PPP1R16A: variants seen among roughly 807,000 people sequenced by gnomAD.
The protein encoded by PPP1R16A is protein phosphatase 1 regulatory subunit 16A.
In PPP1R16A, 39 loss-of-function variants were observed where a neutral mutation model predicts 46.6. That is an observed-to-expected ratio of 0.84 (90% CI 0.65 to 1.09). The LOEUF is 1.09. Among genes scored for constraint, PPP1R16A ranks in the 50% least tolerant of loss-of-function variants. PPP1R16A has a pLI of 0.00. For synonymous variants in PPP1R16A, 413 were observed against 321.5 expected (o/e 1.28, Z -3.04); for missense variants, 798 against 735.6 (o/e 1.08, Z -0.98).
At position 144,478,077 on chromosome 8, in the gene PPP1R16A, C is replaced by G. The variant is rs980185060; in HGVS notation, c.-964C>G. 5.1e-6 allele frequency: 2 copies of G among 395,692 alleles called. No individual in the cohort carries two copies. The highest frequency in any genetic ancestry group is 2.1e-5 in the African/African-American group (1 of 48,472). 24.5% of individuals were successfully genotyped at this position (395,692 alleles called of 1,614,324 possible). On this transcript the variant is annotated 5_prime_UTR_variant, in exon 1 of 12. Transcript: ENST00000435887. ...CCTCAGGGAGCGCGGGGCCCACTGA[C>G]CCGCGGAAGCCAGCGGACCCACTTG...
chr8:144,501,515 C>T lies in PPP1R16A; in HGVS notation c.1204-5C>T, dbSNP rs184018376. 1.3e-3 allele frequency: 2,037 copies of T among 1,538,938 alleles called. 4 individuals carry two copies. Among genetic ancestry groups the T allele is most frequent in the Non-Finnish European group, 1.6e-3 (1,798 of 1,141,248 alleles). On this transcript the variant is annotated splice_polypyrimidine_tract_variant and splice_region_variant and intron_variant, in intron 11 of 11. Transcript: ENST00000435887. Reference sequence around the variant, plus strand: ...TGATGGCTCTGGGACCTTCACTGCCCGCAGGAGGACAACCCCGAAGTGGTC... The same window carrying T: ...TGATGGCTCTGGGACCTTCACTGCCTGCAGGAGGACAACCCCGAAGTGGTC...
At chr8:144,488,164 G>A (rs1317537889) in intron 1 of PPP1R16A, among the ~76,000 whole-genome samples, 1 of 151,968 alleles carries the variant, frequency 6.6e-6, no homozygotes, top group Non-Finnish European at 1.5e-5. Context: ...AAAAGGCAAG[G>A]GAAGCTCTTT....
At position 144,500,997 on chromosome 8, in the gene PPP1R16A, G is replaced by A. The variant is rs558195542; in HGVS notation, c.1037+26G>A. 7.8e-4 allele frequency: 1,122 copies of A among 1,435,070 alleles called. 4 individuals are homozygous for A. In the African/African-American group the frequency reaches 0.015, roughly 19 times the overall value. The allele number at this position is 1,435,070 out of a possible 1,614,324, so 88.9% of individuals were successfully genotyped here. ...GTGAGCGCCGCCCCCAGCAGGCCCC[G>A]CCCCGGGCTTGGCCCCGCGGACGTC... On this transcript the variant is annotated intron_variant, in intron 10 of 11. Transcript: ENST00000435887.
At position 144,501,895 on chromosome 8, in the gene PPP1R16A, C is replaced by T. The variant is rs1277718147; in HGVS notation, c.1579C>T (p.Leu527Phe). 2.0e-6 allele frequency: 3 copies of T among 1,526,594 alleles called. No individual in the cohort carries two copies. The highest frequency in any genetic ancestry group is 2.0e-5 in the Admixed American group (1 of 50,436). The allele number at this position is 1,526,594 out of a possible 1,614,324, so 94.6% of individuals were successfully genotyped here. A position where few individuals can be genotyped will look rare whatever the true frequency, so the allele number is the denominator to read the frequency against. Residue 527 changes from leucine (L) to phenylalanine (F), a missense_variant, in exon 12 of 12, where the codon CTC becomes TTC. Leu to Phe is a conservative substitution (Grantham distance 22). Coordinates refer to ENST00000435887, the MANE Select transcript of PPP1R16A (RefSeq NM_001329443.2). ...APVERRPCCL[L>F]M ...CGTGGAGAGGAGGCCGTGCTGCCTG[C>T]TCATGTGAGGCTGTTGCTCAGCATG...
intron 1 of PPP1R16A, among the ~76,000 whole-genome samples, chr8:144,483,063 T>C (rs1564758366): frequency 6.6e-6 from 1 of 152,242 alleles, no homozygotes; most frequent in African/African-American, 2.4e-5. Flanking sequence ...ATTACAGGTG[T>C]GAGCCACCGC....
intron 1 of PPP1R16A, among the ~76,000 whole-genome samples, chr8:144,486,870 C>T (rs1044947022): frequency 1.4e-4 from 21 of 152,122 alleles, no homozygotes; most frequent in Non-Finnish European, 2.5e-4. Flanking sequence ...CCAGTTTTTC[C>T]GTTTTCCGTT....
intron 1 of PPP1R16A, 130 bp downstream of exon 1, chr8:144,478,257 G>A (rs957510015): frequency 2.6e-6 from 1 of 386,072 alleles, no homozygotes; most frequent in East Asian, 3.7e-5. Context: ...CCGGGCCGGG[G>A]AAGGATGAGG....
intron 1 of PPP1R16A, among the ~76,000 whole-genome samples, chr8:144,480,860 GTGATGGGTTTTGTTTAATGGGTTTTGTT>G (rs1377307969): frequency 3.3e-5 from 5 of 151,586 alleles, no homozygotes; most frequent in African/African-American, 1.2e-4. Flanking sequence ...TGGGTTTTGT[GTGATGGGTTTTGTTTAATGGGTTTTGTT>G]TGATGGGTTT....
intron 1 of PPP1R16A, among the ~76,000 whole-genome samples, chr8:144,489,466 G>C (rs1409653997): frequency 1.3e-5 from 2 of 151,888 alleles, no homozygotes; most frequent in Admixed American, 1.3e-4. Context: ...CCTCCCTCCT[G>C]ACCCCATCAC....
At chr8:144,482,892 C>G (rs556300518) in intron 1 of PPP1R16A, among the ~76,000 whole-genome samples, 1 of 151,822 alleles carries the variant, frequency 6.6e-6, no homozygotes, top group African/African-American at 2.4e-5. Context: ...ATGGTCCACC[C>G]GCCTCAGCCT....
chr8:144,500,441 G>C, intron 7 of PPP1R16A, 46 bp from the exon 8 acceptor site: 2 of 1,537,610 alleles, frequency 1.3e-6, no homozygotes, highest in Non-Finnish European at 1.7e-6. Context: ...CTCGCTACTT[G>C]GAGGTGGGGG....
intron 1 of PPP1R16A, among the ~76,000 whole-genome samples, chr8:144,488,856 G>A (rs1292449829): frequency 6.6e-6 from 1 of 151,838 alleles, no homozygotes; most frequent in East Asian, 2.0e-4. Flanking sequence ...TGTCGCTGGG[G>A]ACAGAGCCCC....
chr8:144,493,156 G>A lies in PPP1R16A; in HGVS notation c.-735+2944G>A, dbSNP rs1309052317. On this transcript the variant is annotated intron_variant, in intron 2 of 11. Coordinates refer to ENST00000435887, the MANE Select transcript of PPP1R16A (RefSeq NM_001329443.2). The surrounding 1 kb of genome is among the most constrained non-coding windows in gnomAD (Gnocchi z 4.3). ...GGCCCAGCGGTATGTAGGCAGTGAG[G>A]GGACGGTGGGTGGGGGTCGGGGACA... Among the ~76,000 whole-genome samples, 1 of 152,144 alleles carries A rather than the reference G, an allele frequency of 6.6e-6. No homozygotes were observed.
At position 144,501,307 on chromosome 8, in the gene PPP1R16A, T is replaced by A; in HGVS notation, c.1203+13T>A. ...GCCGCCCCCGGAGGTGAGCGCCCCG[T>A]CCCTGCTCCGCCCAGCGCAGGGGTG... On this transcript the variant is annotated intron_variant, in intron 11 of 11. Coordinates refer to ENST00000435887, the MANE Select transcript of PPP1R16A (RefSeq NM_001329443.2). 3 of 1,564,486 alleles carry A rather than the reference T, an allele frequency of 1.9e-6. No homozygotes were observed. The South Asian group carries it at 3.4e-5, about 18-fold the overall frequency.
At chr8:144,501,007 T>TGGCCCCGCGGACGTC (rs1826414410) in intron 10 of PPP1R16A, 36 bp downstream of exon 10, 2 of 1,452,730 alleles carry the variant, frequency 1.4e-6, no homozygotes, top group Admixed American at 2.6e-5. Flanking sequence ...GCCCCGGGCT[T>TGGCCCCGCGGACGTC]GGCCCCGCGG....
intron 2 of PPP1R16A, among the ~76,000 whole-genome samples, chr8:144,492,810 CCT>C (rs1004231120): frequency 6.6e-6 from 1 of 152,182 alleles, no homozygotes; most frequent in African/African-American, 2.4e-5. Flanking sequence ...CTGCCCCTTT[CCT>C]CTCTTTTCTT....
chr8:144,493,518 C>T lies in PPP1R16A; in HGVS notation c.-734-2943C>T, dbSNP rs945403934. On this transcript the variant is annotated intron_variant, in intron 2 of 11. Transcript: ENST00000435887. This position sits in a 1 kb window ranked among gnomAD's most constrained non-coding sequence, Gnocchi z 4.3. Reference sequence around the variant, plus strand: ...CTGGGAGGAGTAGACAAAGCTTCCACTAGAAGTTCTGCTAGGGCAGCCAAG... The same window carrying T: ...CTGGGAGGAGTAGACAAAGCTTCCATTAGAAGTTCTGCTAGGGCAGCCAAG... 1.2e-4 allele frequency among the ~76,000 whole-genome samples: 19 copies of T among 152,186 alleles called. No homozygotes were observed. Among genetic ancestry groups the T allele is most frequent in the Non-Finnish European group, 2.6e-4 (18 of 68,014 alleles).
Position 144,480,452 on chromosome 8 carries a change from T to A in PPP1R16A, c.-914+2325T>A, listed in dbSNP as rs973807366. Among the ~76,000 whole-genome samples, 24 of 152,172 alleles carry A rather than the reference T, an allele frequency of 1.6e-4. 2 individuals carry two copies. The highest frequency in any genetic ancestry group is 1.4e-3 in the Admixed American group (22 of 15,272). On this transcript the variant is annotated intron_variant, in intron 1 of 11. Transcript: ENST00000435887. ...GCCTCAGCCTCCCCAGTAGCTGGGA[T>A]TACAGGCACATGCTACCATGCCAGT...
In PPP1R16A at chr8:144,500,257, C is replaced by T. The variant is rs1285468227; in HGVS notation, c.581-10C>T. On this transcript the variant is annotated splice_polypyrimidine_tract_variant and intron_variant, in intron 6 of 11. Coordinates refer to ENST00000435887, the MANE Select transcript of PPP1R16A (RefSeq NM_001329443.2). ...CCGGTCGCGCTCCCTCTGAGCCTGC[C>T]GCCTCGCAGGCATCACCCAGGACAG... 2.6e-6 allele frequency: 4 copies of T among 1,562,394 alleles called. No individual in the cohort carries two copies. Among genetic ancestry groups the T allele is most frequent in the South Asian group, 1.2e-5 (1 of 85,438 alleles).
Sources: allele counts gnomAD v4.1 joint callset (sites outside exome capture counted in the v4.1 genomes callset), GRCh38; gene constraint gnomAD v4.1.1; non-coding constraint Gnocchi (gnomAD v3.1); transcripts MANE v1.5; gene names NCBI Gene and HGNC (gene_info 2026-07-23, HGNC 2026-07-21).